MCM8: variants seen among roughly 807,000 people sequenced by gnomAD.
The protein encoded by MCM8 is minichromosome maintenance 8 homologous recombination repair factor.
MCM8 carries 85 observed loss-of-function variants against 98.9 expected under a neutral mutation model. The ratio of observed to expected loss-of-function variants is 0.86; its 90% CI spans 0.72 to 1.03. MCM8 has a LOEUF of 1.03. Ranked by LOEUF, MCM8 falls within the 50% of genes least tolerant of loss-of-function variation. The pLI is 0.00. For synonymous variants in MCM8, 352 were observed against 338.6 expected (o/e 1.04, Z -0.44); for missense variants, 951 against 997.8 (o/e 0.95, Z 0.63).
intron 10 of MCM8, among the ~76,000 whole-genome samples, 163 bp from the exon 11 acceptor site, chr20:5,971,844 C>CT (rs2089409896): frequency 6.6e-6 from 1 of 152,048 alleles, no homozygotes; most frequent in South Asian, 2.1e-4. Context: ...TAACCAAGAA[C>CT]TTTGAGAAAT....
At chr20:5,980,240 G>A (rs2089602088) in intron 13 of MCM8, among the ~76,000 whole-genome samples, 2 of 152,004 alleles carry the variant, frequency 1.3e-5, no homozygotes, top group South Asian at 4.1e-4. Context: ...TCCTTCCATA[G>A]CACTTTTTAC....
chr20:5,950,759 A>G lies in MCM8; in HGVS notation c.-270A>G, dbSNP rs888051452. 1 of 181,596 alleles carries G rather than the reference A, an allele frequency of 5.5e-6. No individual in the cohort carries two copies. The highest frequency in any genetic ancestry group is 2.4e-5 in the African/African-American group (1 of 42,502). 11.2% of individuals were successfully genotyped at this position (181,596 alleles called of 1,614,324 possible). Reference sequence around the variant, plus strand: ...GCTGTGCGCTACAGACACCTTCTGGAAGCTGCGGTGGGGAAACTGAGTTTC... The same window carrying G: ...GCTGTGCGCTACAGACACCTTCTGGGAGCTGCGGTGGGGAAACTGAGTTTC... On this transcript the variant is annotated 5_prime_UTR_variant, in exon 1 of 19. Coordinates refer to ENST00000610722, the MANE Select transcript of MCM8 (RefSeq NM_032485.6).
intron 11 of MCM8, 37 bp from the exon 12 acceptor site, chr20:5,973,019 C>T (rs1317697340): frequency 1.2e-6 from 2 of 1,608,950 alleles, no homozygotes; most frequent in African/African-American, 1.3e-5. Flanking sequence ...TTTATGTTTT[C>T]CTTACTTCTG....
chr20:5,952,004 C>G lies in MCM8; in HGVS notation c.-5-7C>G, dbSNP rs17220251. On this transcript the variant is annotated splice_polypyrimidine_tract_variant and splice_region_variant and intron_variant, in intron 1 of 18. Coordinates refer to ENST00000610722, the MANE Select transcript of MCM8 (RefSeq NM_032485.6). Reference sequence around the variant, plus strand: ...TGGTGAAGACCTTTTTAATATCTATCTTTTAGGAGAGATGAATGGAGAGTA... The same window carrying G: ...TGGTGAAGACCTTTTTAATATCTATGTTTTAGGAGAGATGAATGGAGAGTA... The G allele has an allele frequency of 5.0e-6, 8 of 1,606,456 alleles. No individual in the cohort carries two copies. The highest frequency in any genetic ancestry group is 6.8e-6 in the Non-Finnish European group (8 of 1,176,870).
At chr20:5,992,134 GT>G (rs942308771) in intron 17 of MCM8, among the ~76,000 whole-genome samples, 1 of 152,110 alleles carries the variant, frequency 6.6e-6, no homozygotes, top group Non-Finnish European at 1.5e-5. Context: ...AAAGATCATT[GT>G]TTTTTTCTAT....
chr20:5,975,143 C>T (rs112238525), intron 12 of MCM8, among the ~76,000 whole-genome samples: 9 of 152,126 alleles, frequency 5.9e-5, no homozygotes, highest in African/African-American at 2.2e-4. Flanking sequence ...CCTGTAGTCC[C>T]TGCTACTCCG....
chr20:5,960,834 C>G (rs1013525342), intron 7 of MCM8, among the ~76,000 whole-genome samples: 20 of 152,174 alleles, frequency 1.3e-4, no homozygotes, highest in African/African-American at 4.6e-4. Context: ...ACTCGGGAGG[C>G]TGAGGCCGGA....
chr20:5,994,580 C>A lies in MCM8; in HGVS notation c.*189C>A. On this transcript the variant is annotated 3_prime_UTR_variant, in exon 19 of 19. Coordinates refer to ENST00000610722, the MANE Select transcript of MCM8 (RefSeq NM_032485.6). ...CAAAAGTATTATAATAGGAAAAAAGCATTAAATATAATAAACTAATTTAAG... is the reference window on the plus strand; with the variant it reads ...CAAAAGTATTATAATAGGAAAAAAGAATTAAATATAATAAACTAATTTAAG... The A allele has an allele frequency of 1.9e-6, 1 of 536,098 alleles. No individual in the cohort carries two copies. Among genetic ancestry groups the A allele is most frequent in the Non-Finnish European group, 3.3e-6 (1 of 304,084 alleles). 33.2% of individuals were successfully genotyped at this position (536,098 alleles called of 1,614,324 possible).
intron 6 of MCM8, 75 bp downstream of exon 6, chr20:5,957,304 T>C: frequency 9.1e-7 from 1 of 1,093,862 alleles, no homozygotes; most frequent in Non-Finnish European, 1.3e-6. Context: ...AACGCTCATT[T>C]TATAAAAATG....
At chr20:5,961,108 G>T (rs1331936787) in intron 7 of MCM8, among the ~76,000 whole-genome samples, 1 of 152,118 alleles carries the variant, frequency 6.6e-6, no homozygotes, top group African/African-American at 2.4e-5. Flanking sequence ...GGGCATGGTG[G>T]CATATGCCTG....
chr20:5,968,008 G>A lies in MCM8; in HGVS notation c.1206G>A (p.Leu402=), dbSNP rs2089314969. ...AAGAGATTCAAGCTGAAGAAAACCT[G>A]TTTAAACTCATTGTCAAGTATGTAT... is the stretch of plus-strand genomic sequence containing the variant. ...AIQEIQAEEN[L]FKLIVNSLCP... The change falls in exon 10 of 19, where the codon CTG becomes CTA. Residue 402 remains leucine (L), a synonymous_variant. Transcript: ENST00000610722. The A allele has an allele frequency of 6.2e-7, 1 of 1,608,290 alleles. No individual in the cohort carries two copies. The highest frequency in any genetic ancestry group is 1.1e-5 in the South Asian group (1 of 89,536).
At chr20:5,979,454 T>G (rs1413899035) in intron 13 of MCM8, among the ~76,000 whole-genome samples, 3 of 152,214 alleles carry the variant, frequency 2.0e-5, no homozygotes, top group Non-Finnish European at 4.4e-5. Flanking sequence ...CTACACAGTA[T>G]CTCCACAAAT....
intron 17 of MCM8, among the ~76,000 whole-genome samples, chr20:5,992,792 T>C (rs1489757735): frequency 2.6e-5 from 4 of 152,200 alleles, no homozygotes; most frequent in African/African-American, 9.6e-5. Context: ...ATTTGACTAA[T>C]TAATTAATTC....
intron 18 of MCM8, among the ~76,000 whole-genome samples, 194 bp from the exon 19 acceptor site, chr20:5,994,105 T>A (rs1373113019): frequency 6.6e-6 from 1 of 152,230 alleles, no homozygotes; most frequent in Non-Finnish European, 1.5e-5. Context: ...CATATTGGAA[T>A]TTTTACTTTT....
chr20:5,997,331 T>C lies in MCM8; in HGVS notation c.*2940T>C, dbSNP rs147349727. 341 of 152,294 alleles carry C rather than the reference T, an allele frequency of 2.2e-3. 3 individuals carry two copies. Among genetic ancestry groups the C allele is most frequent in the African/African-American group, 8.0e-3 (334 of 41,500 alleles). The allele number at this position is 152,294 out of a possible 1,614,324, so 9.4% of individuals were successfully genotyped here. ...TCCCAAGTAGCTGGGATTATAGGCA[T>C]GTGCCACCATGGCTAATTTTGTATT... On this transcript the variant is annotated 3_prime_UTR_variant, in exon 19 of 19. Transcript: ENST00000610722.
At position 5,976,139 on chromosome 20, in the gene MCM8, A is replaced by AGG. The variant is rs1568587279; in HGVS notation, c.1396-1737_1396-1736insGG. ...AGATCCCATCTCTAAAAACAATTTT[A>AGG]AAAAAAATTAGGTGTGGTGGCATGT... On this transcript the variant is annotated intron_variant, in intron 12 of 18. Transcript: ENST00000610722. Among the ~76,000 whole-genome samples the AGG allele has an allele frequency of 1.2e-3, 181 of 152,226 alleles. 1 individual carries two copies. The highest frequency in any genetic ancestry group is 4.3e-3 in the African/African-American group (178 of 41,540).
In MCM8 at chr20:5,952,000, C is replaced by G; in HGVS notation, c.-5-11C>G. 1 of 1,598,582 alleles carries G rather than the reference C, an allele frequency of 6.3e-7. No homozygotes were observed. Among genetic ancestry groups the G allele is most frequent in the Non-Finnish European group, 8.5e-7 (1 of 1,173,808 alleles). ...GTTTTGGTGAAGACCTTTTTAATATCTATCTTTTAGGAGAGATGAATGGAG... is the reference window on the plus strand; with the variant it reads ...GTTTTGGTGAAGACCTTTTTAATATGTATCTTTTAGGAGAGATGAATGGAG... On this transcript the variant is annotated splice_polypyrimidine_tract_variant and intron_variant, in intron 1 of 18. Coordinates refer to ENST00000610722, the MANE Select transcript of MCM8 (RefSeq NM_032485.6).
At position 5,994,731 on chromosome 20, in the gene MCM8, TC is replaced by T. The variant is rs745355197; in HGVS notation, c.*341del. On this transcript the variant is annotated 3_prime_UTR_variant, in exon 19 of 19. Transcript: ENST00000610722. ...TTGGGCAACATAGCAAGACCCCATT[TC>T]TTAAAAAAAAAAAAAAAAAATTTAA... The T allele has an allele frequency of 1.0e-3, 409 of 410,294 alleles. 2 individuals are homozygous for T. The African/African-American group carries it at 0.01, about 10-fold the overall frequency. 25.4% of individuals were successfully genotyped at this position (410,294 alleles called of 1,614,324 possible). A position where few individuals can be genotyped will look rare whatever the true frequency, so the allele number is the denominator to read the frequency against.
chr20:5,955,294 ATG>A, intron 5 of MCM8, 43 bp downstream of exon 5: 1 of 1,571,596 alleles, frequency 6.4e-7, no homozygotes, highest in East Asian at 2.2e-5. Context: ...AACTTTTTTA[ATG>A]TTTGCACACA....
Sources: gnomAD v4.1 joint callset for allele counts (sites outside exome capture counted in the v4.1 genomes callset) on GRCh38, gnomAD v4.1.1 for gene constraint, MANE v1.5 for transcripts, NCBI Gene and HGNC (gene_info 2026-07-23, HGNC 2026-07-21) for gene names.